The following WWOX variants were observed in gnomAD, a reference collection of about 807,000 sequenced individuals.
WWOX encodes WW domain containing oxidoreductase, also known as WW domain-containing oxidoreductase.
WWOX carries 69 observed loss-of-function variants against 46.2 expected under a neutral mutation model. The observed-to-expected ratio is 1.49, with a 90% CI of 1.23 to 1.82. The LOEUF (loss-of-function observed/expected upper bound fraction) is 1.82. Among genes scored for constraint, WWOX ranks in the 40% most tolerant of loss-of-function variants. WWOX has a pLI of 0.00. For synonymous variants in WWOX, 359 were observed against 202.6 expected, an observed-to-expected ratio of 1.77 and a Z score of -6.56; for missense variants, 919 against 542.6, an observed-to-expected ratio of 1.69 and a Z score of -6.89.
chr16:78,823,798 A>G (rs1033341427), intron 8 of WWOX, among the ~76,000 whole-genome samples: 5 of 149,842 alleles, frequency 3.3e-5, no homozygotes, highest in African/African-American at 1.2e-4. Context: ...TTTTTTTAAG[A>G]CAGAATCTTG....
chr16:78,573,159 G>T (rs1442090872), intron 8 of WWOX, among the ~76,000 whole-genome samples: 1 of 152,200 alleles, frequency 6.6e-6, no homozygotes, highest in South Asian at 2.1e-4. Flanking sequence ...GTGGCGGGGT[G>T]CCTGTAGTCC....
At chr16:78,860,950 G>C (rs752099658) in intron 8 of WWOX, among the ~76,000 whole-genome samples, 2 of 152,040 alleles carry the variant, frequency 1.3e-5, no homozygotes, top group Non-Finnish European at 2.9e-5. Flanking sequence ...TGAGTAGCTG[G>C]GACTACAGGC....
intron 8 of WWOX, among the ~76,000 whole-genome samples, chr16:78,793,250 G>T (rs556443723): frequency 1.3e-5 from 2 of 152,028 alleles, no homozygotes; most frequent in East Asian, 3.9e-4. Flanking sequence ...TTGTAGAGAC[G>T]GTGTTTTGCC....
chr16:78,357,314 T>C (rs1351500735), intron 5 of WWOX, among the ~76,000 whole-genome samples: 1 of 152,132 alleles, frequency 6.6e-6, no homozygotes, highest in Non-Finnish European at 1.5e-5. Flanking sequence ...ATAGCATAGG[T>C]ACTTACCTTT....
chr16:78,822,499 A>G (rs2051529247), intron 8 of WWOX, among the ~76,000 whole-genome samples: 1 of 152,080 alleles, frequency 6.6e-6, no homozygotes, highest in Non-Finnish European at 1.5e-5. Flanking sequence ...TGTCTCAAAG[A>G]AAAACAAAAA....
rs531572529 is a variant in WWOX at position 78,376,225 on chromosome 16, T to C, written c.517-10635T>C. The stretch of plus-strand genomic sequence containing the variant: ...ATTGTTCTGTAATTTCTGTTTTTAC[T>C]GATAAGGAAGCTCACGCTTAGAGAA... On this transcript the variant is annotated intron_variant, in intron 5 of 8. Transcript: ENST00000566780. Among the ~76,000 whole-genome samples, 24 of 151,898 alleles carry C rather than the reference T, an allele frequency of 1.6e-4. No individual in the cohort carries two copies. The South Asian group carries it at 5.0e-3, about 32-fold the overall frequency.
intron 8 of WWOX, among the ~76,000 whole-genome samples, chr16:78,536,669 G>C (rs2043766552): frequency 6.6e-6 from 1 of 152,078 alleles, no homozygotes; most frequent in Non-Finnish European, 1.5e-5. Context: ...GATTGTGCCG[G>C]TTTAGCCAGC....
intron 8 of WWOX, among the ~76,000 whole-genome samples, chr16:78,984,095 G>T (rs2046737598): frequency 6.6e-6 from 1 of 151,964 alleles, no homozygotes; most frequent in Non-Finnish European, 1.5e-5. Flanking sequence ...AGCCAGGATG[G>T]TCTCGATCTC....
At chr16:78,681,740 A>G (rs1567487050) in intron 8 of WWOX, among the ~76,000 whole-genome samples, 1 of 152,202 alleles carries the variant, frequency 6.6e-6, no homozygotes, top group East Asian at 1.9e-4. Flanking sequence ...ACAGTTTCCA[A>G]TACTCAGCAC....
At chr16:78,967,285 C>CTT (rs2046379454) in intron 8 of WWOX, among the ~76,000 whole-genome samples, 3 of 94,594 alleles carry the variant, frequency 3.2e-5, no homozygotes, top group Non-Finnish European at 6.5e-5. Context: ...CCTGCCGAGG[C>CTT]CTTTTTTTTT....
At chr16:78,917,446 C>G (rs912664161) in intron 8 of WWOX, among the ~76,000 whole-genome samples, 5 of 152,026 alleles carry the variant, frequency 3.3e-5, no homozygotes, top group African/African-American at 1.2e-4. Flanking sequence ...CAAGGTTCAT[C>G]TAGTCTCGGT....
At chr16:78,971,890 C>T (rs554616990) in intron 8 of WWOX, among the ~76,000 whole-genome samples, 7 of 152,256 alleles carry the variant, frequency 4.6e-5, no homozygotes, top group African/African-American at 1.7e-4. Context: ...TCAGCAGAAT[C>T]GGGATATTAG....
At position 78,802,936 on chromosome 16, in the gene WWOX, A is replaced by AAAG. The variant is rs2050931328; in HGVS notation, c.1056+370186_1056+370187insGAA. On this transcript the variant is annotated intron_variant, in intron 8 of 8. Transcript: ENST00000566780. ...ATCTGAAAAAAAAAAAAAAAAAAAAAAAAAAACAACAAACAGAAAAATGAA... is the reference window on the plus strand; with the variant it reads ...ATCTGAAAAAAAAAAAAAAAAAAAAAAAGAAAAAACAACAAACAGAAAAATGAA... Among the ~76,000 whole-genome samples, 3 of 100,212 alleles carry AAAG rather than the reference A, an allele frequency of 3.0e-5. 1 individual carries two copies. The highest frequency in any genetic ancestry group is 2.8e-4 in the Admixed American group (3 of 10,580). 65.7% of individuals were successfully genotyped at this position (100,212 alleles called of 152,430 possible). A position where few individuals can be genotyped will look rare whatever the true frequency, so the allele number is the denominator to read the frequency against.
At chr16:78,403,264 C>T (rs2082454677) in intron 6 of WWOX, among the ~76,000 whole-genome samples, 2 of 152,166 alleles carry the variant, frequency 1.3e-5, no homozygotes, top group African/African-American at 4.8e-5. Context: ...TATTAAAGCC[C>T]ACTCCCTGCA....
intron 8 of WWOX, among the ~76,000 whole-genome samples, chr16:78,762,212 C>T (rs1216814499): frequency 2.0e-5 from 3 of 152,184 alleles, no homozygotes; most frequent in Non-Finnish European, 2.9e-5. Context: ...ATTTCCTCAG[C>T]CAAGAGCATA....
At chr16:79,111,489 G>A (rs1317004832) in intron 8 of WWOX, among the ~76,000 whole-genome samples, 1 of 152,120 alleles carries the variant, frequency 6.6e-6, no homozygotes, top group Non-Finnish European at 1.5e-5. Context: ...AAGCACTCGA[G>A]TATCCTAATT....
chr16:78,648,604 G>A (rs1301274189), intron 8 of WWOX, among the ~76,000 whole-genome samples: 1 of 152,132 alleles, frequency 6.6e-6, no homozygotes, highest in Non-Finnish European at 1.5e-5. Flanking sequence ...CACTTCCAAC[G>A]CAGGACCAAC....
intron 8 of WWOX, among the ~76,000 whole-genome samples, chr16:78,594,201 C>T (rs111521925): frequency 2.0e-5 from 3 of 152,012 alleles, no homozygotes; most frequent in Non-Finnish European, 2.9e-5. Context: ...CCTTTTTAAC[C>T]CCATATACGA....
chr16:78,470,415 A>C (rs2084193159), intron 8 of WWOX, among the ~76,000 whole-genome samples: 1 of 152,100 alleles, frequency 6.6e-6, no homozygotes, highest in Non-Finnish European at 1.5e-5. Context: ...TTTGTTTTTG[A>C]CTTTGGAGAT....
Sources: gnomAD v4.1 joint callset for allele counts (sites outside exome capture counted in the v4.1 genomes callset) on GRCh38, gnomAD v4.1.1 for gene constraint, MANE v1.5 for transcripts, NCBI Gene and HGNC (gene_info 2026-07-23, HGNC 2026-07-21) for gene names.